The following GLRA2 variants were observed in gnomAD, a reference collection of about 807,000 sequenced individuals.
GLRA2 encodes the protein glycine receptor alpha 2.
In GLRA2, 11 loss-of-function variants were observed where a neutral mutation model predicts 31.6. That is an observed-to-expected ratio of 0.35 (90% CI 0.22 to 0.58). The LOEUF is 0.58. Among genes scored for constraint, GLRA2 ranks in the 20% least tolerant of loss-of-function variants. GLRA2 has a pLI of 0.84. For missense variants in GLRA2, 212 were observed against 351.8 expected, an observed-to-expected ratio of 0.60 and a Z score of 3.18; for synonymous variants, 132 against 134.0, an observed-to-expected ratio of 0.99 and a Z score of 0.10.
At chrX:14,525,038 G>A (rs1321764069), upstream of GLRA2, among the ~76,000 whole-genome samples, 1 of 110,601 alleles carries the variant, frequency 9.0e-6, no homozygotes, top group Non-Finnish European at 1.9e-5. Context: ...ATATAATGTG[G>A]GTATTTTGAA....
chrX:14,694,033 T>C lies in GLRA2; in HGVS notation c.1080+3174T>C, dbSNP rs755438565. ...CATGGAGACAAAATGAAGAATAAGA[T>C]ATTAAATCCAAAGAGTGTAGAAGGA... On this transcript the variant is annotated intron_variant, in intron 8 of 8. Coordinates refer to ENST00000218075, the MANE Select transcript of GLRA2 (RefSeq NM_002063.4). 1.5e-4 allele frequency among the ~76,000 whole-genome samples: 17 copies of C among 111,139 alleles called. No homozygotes were observed. The East Asian group carries it at 4.2e-3, about 28-fold the overall frequency.
rs1288288417 is a variant in GLRA2 at position 14,568,567 on chromosome X, C to T, written c.203-5766C>T. The stretch of plus-strand genomic sequence containing the variant: ...AATTAGCCGGGCGTGGTGGCACATG[C>T]CTGTAATCCCAGCTACTCGGGGGGC... On this transcript the variant is annotated intron_variant, in intron 2 of 8. Coordinates refer to ENST00000218075, the MANE Select transcript of GLRA2 (RefSeq NM_002063.4). Among the ~76,000 whole-genome samples, 18 of 110,021 alleles carry T rather than the reference C, an allele frequency of 1.6e-4. No individual in the cohort carries two copies. In the Admixed American group the frequency reaches 1.7e-3, roughly 11 times the overall value.
chrX:14,559,566 G>A (rs1184443563), intron 2 of GLRA2, among the ~76,000 whole-genome samples: 2 of 105,268 alleles, frequency 1.9e-5, no homozygotes, highest in African/African-American at 3.5e-5. Flanking sequence ...ACAGGCGCCC[G>A]CCACCACGCC....
chrX:14,524,821 T>C (rs762928246), upstream of GLRA2, among the ~76,000 whole-genome samples: 119 of 110,590 alleles, frequency 1.1e-3, no homozygotes, highest in Middle Eastern at 9.3e-3. Context: ...AAAAACATAA[T>C]TATTAAAGTA....
At chrX:14,675,563 A>T (rs5980058) in intron 7 of GLRA2, among the ~76,000 whole-genome samples, 2,099 of 111,293 alleles carry the variant, frequency 0.019, 46 homozygotes, top group African/African-American at 0.063. Context: ...GTAACTCTTT[A>T]CTCAACTACT....
chrX:14,553,472 C>T (rs2089596140), intron 2 of GLRA2, among the ~76,000 whole-genome samples: 1 of 111,475 alleles, frequency 9.0e-6, no homozygotes, highest in Non-Finnish European at 1.9e-5. Context: ...TATCACATGA[C>T]ATTGTAATTA....
intron 7 of GLRA2, among the ~76,000 whole-genome samples, chrX:14,669,520 G>A (rs1000351821): frequency 4.5e-5 from 5 of 111,134 alleles, no homozygotes; most frequent in African/African-American, 1.6e-4. Context: ...GCATCCAGGT[G>A]TTTCTATACC....
chrX:14,579,411 C>G (rs1293711717), intron 3 of GLRA2, among the ~76,000 whole-genome samples: 1 of 110,672 alleles, frequency 9.0e-6, no homozygotes, highest in Non-Finnish European at 1.9e-5. Context: ...CTCACCGCAA[C>G]CTGCGCCTCC....
At chrX:14,709,459 G>A (rs934995478) in intron 8 of GLRA2, among the ~76,000 whole-genome samples, 12 of 111,765 alleles carry the variant, frequency 1.1e-4, no homozygotes, top group African/African-American at 3.6e-4. Context: ...ATTAAATCTG[G>A]TAACCGTAAT....
chrX:14,487,962 T>C, the GLRA2 span, among the ~76,000 whole-genome samples: 1 of 111,987 alleles, frequency 8.9e-6, no homozygotes, highest in Middle Eastern at 4.6e-3. Flanking sequence ...CTCTGGTGTC[T>C]TTTCCCTCTT....
At chrX:14,707,556 A>G (rs191695216) in intron 8 of GLRA2, among the ~76,000 whole-genome samples, 1,303 of 72,038 alleles carry the variant, frequency 0.018, 31 homozygotes, top group African/African-American at 0.06. Context: ...TAGTTTTTTA[A>G]CCCACCCCCC....
intron 2 of GLRA2, among the ~76,000 whole-genome samples, chrX:14,573,675 C>T (rs940750082): frequency 1.8e-5 from 2 of 109,140 alleles, no homozygotes; most frequent in African/African-American, 6.7e-5. Context: ...GTCCAAAGCA[C>T]ATCTAGGATG....
chrX:14,619,073 C>T (rs1161042930), intron 7 of GLRA2, among the ~76,000 whole-genome samples: 1 of 111,124 alleles, frequency 9.0e-6, no homozygotes, highest in Non-Finnish European at 1.9e-5. Flanking sequence ...ATAACAGTCT[C>T]TAGATCAGTG....
the GLRA2 span, among the ~76,000 whole-genome samples, chrX:14,469,798 A>T: frequency 2.3e-3 from 245 of 108,353 alleles, 4 homozygotes; most frequent in African/African-American, 7.9e-3. Context: ...ATACATATGT[A>T]ACTAACCTGC....
chrX:14,700,381 C>G (rs1482330197), intron 8 of GLRA2, among the ~76,000 whole-genome samples: 1 of 110,347 alleles, frequency 9.1e-6, no homozygotes. Context: ...CAGTGTAAGG[C>G]AAGGCAGAGG....
At chrX:14,531,753 T>C (rs1054909992) in intron 1 of GLRA2, among the ~76,000 whole-genome samples, 16 of 111,273 alleles carry the variant, frequency 1.4e-4, no homozygotes, top group Admixed American at 1.1e-3. Context: ...AACTAGCAGA[T>C]GGGAAAAATA....
Position 14,592,592 on chromosome X carries a change from A to G in GLRA2, c.494+11186A>G, listed in dbSNP as rs7880551. Among the ~76,000 whole-genome samples the G allele has an allele frequency of 3.5e-3, 392 of 111,360 alleles. 1 individual carries two copies. The highest frequency in any genetic ancestry group is 0.012 in the African/African-American group (376 of 30,600). On this transcript the variant is annotated intron_variant, in intron 4 of 8. Transcript: ENST00000218075. ...GGGGCTGAGGCAGGAGGATAGCTTG[A>G]GCCCAGGAAGTCGAGGCTGTAGTGA...
intron 7 of GLRA2, among the ~76,000 whole-genome samples, chrX:14,646,361 T>A (rs2090832306): frequency 8.9e-6 from 1 of 112,072 alleles, no homozygotes; most frequent in South Asian, 3.7e-4. Context: ...TACTGGGCAT[T>A]GTTTTGAATT....
In GLRA2 at chrX:14,589,817, TTTTG is replaced by T. The variant is rs745949857; in HGVS notation, c.494+8423_494+8426del. On this transcript the variant is annotated intron_variant, in intron 4 of 8. Coordinates refer to ENST00000218075, the MANE Select transcript of GLRA2 (RefSeq NM_002063.4). ...TGTGCATTAGGTTATTTAAGCTATT[TTTTG>T]TTTGTTTGTTTAGAGGAAAAGGTCC... is the stretch of plus-strand genomic sequence containing the variant. 5.9e-4 allele frequency among the ~76,000 whole-genome samples: 64 copies of T among 108,783 alleles called. 1 individual carries two copies. The highest frequency in any genetic ancestry group is 2.1e-3 in the African/African-American group (62 of 29,941). The allele number at this position is 108,783 out of a possible 115,157, so 94.5% of individuals were successfully genotyped here.
Sources: allele counts gnomAD v4.1 joint callset (sites outside exome capture counted in the v4.1 genomes callset), GRCh38; gene constraint gnomAD v4.1.1; transcripts MANE v1.5; gene names NCBI Gene and HGNC (gene_info 2026-07-23, HGNC 2026-07-21).